The following GALNT16 variants were observed in gnomAD, a reference collection of about 807,000 sequenced individuals.
The protein encoded by GALNT16 is UDP-GalNAc:polypeptide N-acetylgalactosaminyltransferase-like protein 1.
Under a neutral mutation model 76.1 loss-of-function variants are expected in GALNT16, and 40 were observed. The observed-to-expected ratio is 0.53, with a 90% CI of 0.41 to 0.68. The LOEUF (loss-of-function observed/expected upper bound fraction) is 0.68, where lower values mean the gene tolerates loss of function less well. Among genes scored for constraint, GALNT16 ranks in the 30% least tolerant of loss-of-function variants. The pLI is 0.00. For synonymous variants in GALNT16, 276 were observed against 285.2 expected (o/e 0.97, Z 0.32); for missense variants, 621 against 731.9 (o/e 0.85, Z 1.75).
Position 69,320,815 on chromosome 14 carries a change from GGA to G in GALNT16, c.286_287del (p.Ser96Ter). On this transcript the variant is annotated frameshift_variant, in exon 2 of 15. Coordinates refer to ENST00000448469, the MANE Select transcript of GALNT16 (RefSeq NM_001168368.2). LOFTEE classifies it high-confidence loss of function. Reference protein sequence around the residue: ...PYRQHAFNQLESDKLSPDRPI... With the variant: ...PYRQHAFNQLXSDKLSPDRPI... The stretch of plus-strand genomic sequence containing the variant: ...ACAGACAGCACGCCTTCAACCAGCT[GGA>G]GAGTGACAAGCTGAGCCCAGACCGG... The G allele has an allele frequency of 1.9e-6, 3 of 1,614,218 alleles. No homozygotes were observed. Among genetic ancestry groups the G allele is most frequent in the Non-Finnish European group, 2.5e-6 (3 of 1,180,022 alleles).
chr14:69,327,487 C>A (rs1051840075), intron 5 of GALNT16, among the ~76,000 whole-genome samples: 11 of 152,234 alleles, frequency 7.2e-5, no homozygotes, highest in Admixed American at 2.0e-4. Flanking sequence ...GCTGTAGGTA[C>A]CGTCAGGTCT....
At chr14:69,286,825 A>G (rs971812915) in intron 1 of GALNT16, among the ~76,000 whole-genome samples, 1 of 152,202 alleles carries the variant, frequency 6.6e-6, no homozygotes, top group Non-Finnish European at 1.5e-5. Context: ...GGTGTTCACT[A>G]TACAACTCTT....
At position 69,333,167 on chromosome 14, in the gene GALNT16, A is replaced by G. The variant is rs371441364; in HGVS notation, c.861A>G (p.Ile287Met). Residue 287 changes from isoleucine (I) to methionine (M), a missense_variant and splice_region_variant, in exon 8 of 15, where the codon ATA becomes ATG. Physicochemically the swap from Ile to Met is conservative, Grantham distance 10. Coordinates refer to ENST00000448469, the MANE Select transcript of GALNT16 (RefSeq NM_001168368.2). The surrounding 1 kb of genome is among the most constrained non-coding windows in gnomAD (Gnocchi z 4.2). ...CCCGGACAGACCCCACCAGGCCCAT[A>G]AGGTCAGAGCTGCGGTGGGCTCTGG... ...KMTRTDPTRP[I>M]RTPVIAGGIF... 6.2e-7 allele frequency: 1 copy of G among 1,604,904 alleles called. No individual in the cohort carries two copies. The highest frequency in any genetic ancestry group is 1.7e-5 in the Admixed American group (1 of 59,686).
chr14:69,318,341 C>T (rs2045131180), intron 1 of GALNT16, among the ~76,000 whole-genome samples: 1 of 152,224 alleles, frequency 6.6e-6, no homozygotes, highest in Admixed American at 6.5e-5. Flanking sequence ...AGCAGACATT[C>T]TTCCCCAACA....
chr14:69,375,732 T>A, the GALNT16 span, among the ~76,000 whole-genome samples: 19 of 152,348 alleles, frequency 1.2e-4, no homozygotes, highest in African/African-American at 4.1e-4. Context: ...CTTCTGGGCC[T>A]GAGTGATCCT....
Position 69,333,004 on chromosome 14 carries a change from T to C in GALNT16, c.779-81T>C. 1.0e-6 allele frequency: 1 copy of C among 955,700 alleles called. No homozygotes were observed. The highest frequency in any genetic ancestry group is 1.7e-6 in the Non-Finnish European group (1 of 579,334). 59.2% of individuals were successfully genotyped at this position (955,700 alleles called of 1,614,324 possible). A position where few individuals can be genotyped will look rare whatever the true frequency, so the allele number is the denominator to read the frequency against. On this transcript the variant is annotated intron_variant, in intron 7 of 14. Transcript: ENST00000448469. This position sits in a 1 kb window ranked among gnomAD's most constrained non-coding sequence, Gnocchi z 4.2. ...GCCCAGGGCTCTGATCAGGGGAGACTCCGAGGGGTGGTGGAGTGAAGGGTC... is the reference window on the plus strand; with the variant it reads ...GCCCAGGGCTCTGATCAGGGGAGACCCCGAGGGGTGGTGGAGTGAAGGGTC...
intron 11 of GALNT16, 152 bp from the exon 12 acceptor site, chr14:69,341,529 A>G (rs545500514): frequency 1.3e-5 from 8 of 618,054 alleles, no homozygotes; most frequent in East Asian, 1.1e-4. Context: ...ATAACATCAG[A>G]TAAGTGGCCA....
intron 1 of GALNT16, among the ~76,000 whole-genome samples, chr14:69,306,508 G>A (rs1185076146): frequency 1.3e-5 from 2 of 152,040 alleles, no homozygotes; most frequent in African/African-American, 4.8e-5. Flanking sequence ...GTAAATCGTT[G>A]CTAAATATTC....
At position 69,276,929 on chromosome 14, in the gene GALNT16, C is replaced by T. The variant is rs1462340200; in HGVS notation, c.177+16462C>T. Reference sequence around the variant, plus strand: ...AAGGCAAAATGCCTGTTCCCCCAAGCCTGTCACGCACGTGGCACTGTGGTC... The same window carrying T: ...AAGGCAAAATGCCTGTTCCCCCAAGTCTGTCACGCACGTGGCACTGTGGTC... On this transcript the variant is annotated intron_variant, in intron 1 of 14. Transcript: ENST00000448469. Among the ~76,000 whole-genome samples the T allele has an allele frequency of 2.6e-5, 4 of 152,224 alleles. No individual in the cohort carries two copies. In the East Asian group the frequency reaches 7.7e-4, roughly 29 times the overall value.
chr14:69,293,274 A>G (rs1330626480), intron 1 of GALNT16, among the ~76,000 whole-genome samples: 1 of 152,238 alleles, frequency 6.6e-6, no homozygotes, highest in Non-Finnish European at 1.5e-5. Context: ...TAGGAACTGC[A>G]TTGGCTTCTT....
At chr14:69,276,779 T>A (rs1472194512) in intron 1 of GALNT16, among the ~76,000 whole-genome samples, 1 of 152,240 alleles carries the variant, frequency 6.6e-6, no homozygotes. Context: ...TTCTTTGTCT[T>A]TGTCCTTTTT....
chr14:69,364,069 C>G, the GALNT16 span, among the ~76,000 whole-genome samples: 2 of 152,194 alleles, frequency 1.3e-5, no homozygotes, highest in African/African-American at 4.8e-5. This position sits in a 1 kb window ranked among gnomAD's most constrained non-coding sequence, Gnocchi z 4.2. Flanking sequence ...AAGACAAAGA[C>G]TTGTCTATTG....
chr14:69,312,220 T>C (rs2045036747), intron 1 of GALNT16, among the ~76,000 whole-genome samples: 1 of 152,120 alleles, frequency 6.6e-6, no homozygotes, highest in African/African-American at 2.4e-5. Flanking sequence ...CACTGCACTC[T>C]AGGCTGGGCA....
intron 13 of GALNT16, 56 bp downstream of exon 13, chr14:69,347,237 G>A: frequency 1.3e-6 from 2 of 1,490,606 alleles, no homozygotes; most frequent in Non-Finnish European, 1.8e-6. Context: ...TTGTCCAGGA[G>A]TGGGGTGAGG....
intron 1 of GALNT16, among the ~76,000 whole-genome samples, chr14:69,266,117 C>T (rs995098869): frequency 1.3e-5 from 2 of 152,200 alleles, no homozygotes; most frequent in Non-Finnish European, 2.9e-5. Context: ...GTCTTCCTTC[C>T]CCTGGAGCAT....
the GALNT16 span, among the ~76,000 whole-genome samples, chr14:69,378,951 T>G: frequency 5.9e-5 from 9 of 152,176 alleles, no homozygotes; most frequent in African/African-American, 2.2e-4. Context: ...ATTTATTTTT[T>G]TTTTGAGACA....
Position 69,354,044 on chromosome 14 carries a change from G to T in GALNT16, c.*1876G>T. The T allele has an allele frequency of 6.5e-6, 1 of 152,688 alleles. No individual in the cohort carries two copies. Among genetic ancestry groups the T allele is most frequent in the Non-Finnish European group, 1.5e-5 (1 of 68,228 alleles). The allele number at this position is 152,688 out of a possible 1,614,324, so 9.5% of individuals were successfully genotyped here. ...CAGGCCCCTTCGCTCCCAGGGCCAT[G>T]CTTTGCCTGTCCTCTGTCGTGATGT... On this transcript the variant is annotated 3_prime_UTR_variant, in exon 15 of 15. Transcript: ENST00000448469.
At chr14:69,329,086 G>A (rs1241754118) in intron 6 of GALNT16, among the ~76,000 whole-genome samples, 3 of 152,184 alleles carry the variant, frequency 2.0e-5, no homozygotes, top group Non-Finnish European at 2.9e-5. Flanking sequence ...GGCCTGGAGC[G>A]GTGGCTCACC....
At chr14:69,380,514 A>AAC in the GALNT16 span, 35 of 1,218,980 alleles carry the variant, frequency 2.9e-5, no homozygotes, top group Middle Eastern at 2.3e-4. Flanking sequence ...GCCCACCCCA[A>AAC]CCCCCCCAGT....
Sources: gnomAD v4.1 joint callset for allele counts (sites outside exome capture counted in the v4.1 genomes callset) on GRCh38, gnomAD v4.1.1 for gene constraint, Gnocchi (gnomAD v3.1) non-coding constraint, MANE v1.5 for transcripts, NCBI Gene and HGNC (gene_info 2026-07-23, HGNC 2026-07-21) for gene names.